Variants in CCDC38 observed in about 807,000 individuals in gnomAD.
CCDC38 encodes the protein coiled-coil domain-containing protein 38.
In CCDC38, 69 loss-of-function variants were observed where a neutral mutation model predicts 72.8. That is an observed-to-expected ratio of 0.95 (90% CI 0.78 to 1.16). The LOEUF (loss-of-function observed/expected upper bound fraction) is 1.16, where lower values mean the gene tolerates loss of function less well. Among genes scored for constraint, CCDC38 ranks in the 50% most tolerant of loss-of-function variants. CCDC38 has a pLI of 0.00. For missense variants in CCDC38, 626 were observed against 638.9 expected (o/e 0.98, Z 0.22); for synonymous variants, 201 against 213.2 (o/e 0.94, Z 0.50).
intron 2 of CCDC38, among the ~76,000 whole-genome samples, chr12:95,921,108 A>G (rs2080202288): frequency 6.6e-6 from 1 of 151,816 alleles, no homozygotes; most frequent in Non-Finnish European, 1.5e-5. Flanking sequence ...AGCCTGGGCA[A>G]CAAGAGTGAA....
At chr12:95,874,507 A>G (rs1027297872) in intron 13 of CCDC38, among the ~76,000 whole-genome samples, 1 of 152,236 alleles carries the variant, frequency 6.6e-6, no homozygotes, top group Non-Finnish European at 1.5e-5. Context: ...GAAGAATGAG[A>G]TGAATGAAGG....
At chr12:95,912,719 C>CA (rs2080107288) in intron 4 of CCDC38, among the ~76,000 whole-genome samples, 1 of 152,064 alleles carries the variant, frequency 6.6e-6, no homozygotes, top group African/African-American at 2.4e-5. Flanking sequence ...AACATCACAC[C>CA]ATACCCTATC....
At chr12:95,909,436 G>T (rs531049052) in intron 4 of CCDC38, among the ~76,000 whole-genome samples, 1 of 152,050 alleles carries the variant, frequency 6.6e-6, no homozygotes, top group Admixed American at 6.6e-5. Context: ...TAAAGCCCTG[G>T]ACCAGATGGA....
chr12:95,928,902 A>G (rs2080303968), intron 2 of CCDC38, among the ~76,000 whole-genome samples: 1 of 152,194 alleles, frequency 6.6e-6, no homozygotes, highest in African/African-American at 2.4e-5. Flanking sequence ...CCGTTCTCAG[A>G]TCTCCAGCTG....
intron 10 of CCDC38, chr12:95,885,444 C>T (rs1378646849): frequency 5.6e-6 from 1 of 179,888 alleles, no homozygotes; most frequent in East Asian, 1.3e-4. Flanking sequence ...TGGGAGATAA[C>T]TGTCCTGTAA....
At chr12:95,898,177 G>A (rs185485035) in intron 7 of CCDC38, among the ~76,000 whole-genome samples, 18 of 152,336 alleles carry the variant, frequency 1.2e-4, no homozygotes, top group Non-Finnish European at 4.4e-5. Context: ...ACAAGTTAGA[G>A]AGACTTTCCA....
At chr12:95,890,976 GAA>G in intron 8 of CCDC38, 46 bp from the exon 9 acceptor site, 1 of 1,053,334 alleles carries the variant, frequency 9.5e-7, no homozygotes, top group Non-Finnish European at 1.4e-6. Flanking sequence ...AAGATGGGGG[GAA>G]AAAAACACTG....
intron 8 of CCDC38, among the ~76,000 whole-genome samples, chr12:95,894,295 T>A (rs1388573080): frequency 2.0e-5 from 3 of 152,210 alleles, no homozygotes; most frequent in Non-Finnish European, 2.9e-5. Context: ...TACAGAATCC[T>A]TTAATAAAAT....
intron 13 of CCDC38, among the ~76,000 whole-genome samples, chr12:95,876,858 C>T (rs1276461562): frequency 6.6e-6 from 1 of 152,102 alleles, no homozygotes; most frequent in Non-Finnish European, 1.5e-5. Flanking sequence ...GGCCAGGTCT[C>T]ACTAACGCAA....
intron 14 of CCDC38, among the ~76,000 whole-genome samples, chr12:95,870,327 A>G (rs1367588276): frequency 1.3e-5 from 2 of 152,194 alleles, no homozygotes; most frequent in African/African-American, 4.8e-5. Context: ...TTTTGAGGGA[A>G]AAATTAAGTA....
intron 2 of CCDC38, among the ~76,000 whole-genome samples, chr12:95,928,491 C>T (rs2080298223): frequency 6.6e-6 from 1 of 152,210 alleles, no homozygotes; most frequent in Admixed American, 6.5e-5. Context: ...TGAATTTCCT[C>T]CCGTAGCTCG....
intron 4 of CCDC38, among the ~76,000 whole-genome samples, chr12:95,911,763 T>C (rs915960247): frequency 2.0e-5 from 3 of 152,206 alleles, no homozygotes; most frequent in Non-Finnish European, 4.4e-5. Context: ...ACATTGTTGA[T>C]GGGAATACAC....
intron 10 of CCDC38, among the ~76,000 whole-genome samples, chr12:95,882,837 T>C (rs561084538): frequency 1.3e-5 from 2 of 152,328 alleles, no homozygotes; most frequent in South Asian, 4.1e-4. Context: ...GATTTCAATG[T>C]CCAACCTTCA....
intron 8 of CCDC38, 43 bp from the exon 9 acceptor site, chr12:95,890,973 G>A (rs748607370): frequency 1.8e-6 from 2 of 1,138,816 alleles, no homozygotes; most frequent in East Asian, 2.4e-5. Context: ...AGAAAGATGG[G>A]GGGAAAAAAA....
intron 10 of CCDC38, 82 bp downstream of exon 10, chr12:95,888,376 A>G (rs1338669746): frequency 4.9e-6 from 6 of 1,221,438 alleles, no homozygotes; most frequent in Non-Finnish European, 7.3e-6. Context: ...TACATGACAT[A>G]TATGTTGAGA....
intron 2 of CCDC38, among the ~76,000 whole-genome samples, chr12:95,921,001 G>A (rs1471252661): frequency 3.3e-5 from 5 of 151,848 alleles, no homozygotes; most frequent in East Asian, 1.9e-4. Context: ...GGTGGTTCAC[G>A]CCTGTAATCC....
At chr12:95,869,217 A>T (rs1384600764) in intron 15 of CCDC38, among the ~76,000 whole-genome samples, 1 of 152,136 alleles carries the variant, frequency 6.6e-6, no homozygotes, top group Non-Finnish European at 1.5e-5. Flanking sequence ...CAAGAAAAAA[A>T]TTATCTGATT....
intron 11 of CCDC38, among the ~76,000 whole-genome samples, chr12:95,880,750 A>G (rs2079691108): frequency 6.6e-6 from 1 of 152,224 alleles, no homozygotes; most frequent in Non-Finnish European, 1.5e-5. Flanking sequence ...ACAAAAAGAC[A>G]AATACTGAGT....
At chr12:95,880,405 C>T (rs2079686817) in intron 11 of CCDC38, among the ~76,000 whole-genome samples, 1 of 152,088 alleles carries the variant, frequency 6.6e-6, no homozygotes. Context: ...CCTGTAATCC[C>T]AGCACTTTGG....
Sources: allele counts gnomAD v4.1 joint callset (sites outside exome capture counted in the v4.1 genomes callset), GRCh38; gene constraint gnomAD v4.1.1; transcripts MANE v1.5; gene names NCBI Gene and HGNC (gene_info 2026-07-23, HGNC 2026-07-21).